Variants in PLA2G6 observed in about 807,000 individuals in gnomAD.
PLA2G6 encodes phospholipase A2 group VI.
A neutral mutation model predicts 83.8 loss-of-function variants in PLA2G6; 62 were observed. That is an observed-to-expected ratio of 0.74 (90% CI 0.60 to 0.91). The LOEUF is 0.91. PLA2G6 is among the 40% of genes least tolerant of loss of function. The pLI is 0.00. For missense variants in PLA2G6, 944 were observed against 1,102.0 expected (o/e 0.86, Z 2.03); for synonymous variants, 417 against 449.8 (o/e 0.93, Z 0.92).
chr22:38,125,263 C>T (rs545772105), intron 10 of PLA2G6, among the ~76,000 whole-genome samples: 29 of 143,808 alleles, frequency 2.0e-4, no homozygotes, highest in Middle Eastern at 3.4e-3. Context: ...TGCATGTGGG[C>T]AACACATGCA....
intron 14 of PLA2G6, among the ~76,000 whole-genome samples, chr22:38,114,870 C>T (rs2087094912): frequency 1.3e-5 from 2 of 152,228 alleles, no homozygotes; most frequent in African/African-American, 2.4e-5. Flanking sequence ...GCAGTGAGTG[C>T]AGGCAGAACG....
intron 3 of PLA2G6, chr22:38,144,848 A>AAAATAAAATT (rs1556030277): frequency 4.8e-6 from 1 of 207,498 alleles, no homozygotes; most frequent in Non-Finnish European, 9.8e-6. Flanking sequence ...AAAATAAAAT[A>AAAATAAAATT]AAATAAAATA....
At chr22:38,148,294 G>C in intron 2 of PLA2G6, 1 of 536,202 alleles carries the variant, frequency 1.9e-6, no homozygotes, top group Non-Finnish European at 3.3e-6. Flanking sequence ...GGAAAGGATA[G>C]CGAATGGGGA....
At chr22:38,125,760 A>T (rs537945589) in intron 10 of PLA2G6, 6 of 467,742 alleles carry the variant, frequency 1.3e-5, no homozygotes, top group Middle Eastern at 3.3e-4. Flanking sequence ...ATAAAGAATA[A>T]ATGAATCAAC....
chr22:38,156,157 G>A (rs893143952), intron 2 of PLA2G6, among the ~76,000 whole-genome samples: 1 of 152,114 alleles, frequency 6.6e-6, no homozygotes, highest in Non-Finnish European at 1.5e-5. Context: ...CTCAACACTG[G>A]AACACCCAGA....
In PLA2G6 at chr22:38,146,782, CT is replaced by C. The variant is rs132937; in HGVS notation, c.210-1130del. 1,030 of 133,102 alleles carry C rather than the reference CT, an allele frequency of 7.7e-3. 9 individuals are homozygous for C. Among genetic ancestry groups the C allele is most frequent in the Non-Finnish European group, 0.012 (759 of 63,624 alleles). 8.2% of individuals were successfully genotyped at this position (133,102 alleles called of 1,614,324 possible). On this transcript the variant is annotated intron_variant, in intron 2 of 16. Transcript: ENST00000332509. Reference sequence around the variant, plus strand: ...GAAACTTTTCTTTTTCTTTTCTTTTCTTTTTTTTTTTTTTGAGATGGAGTTT... The same window carrying C: ...GAAACTTTTCTTTTTCTTTTCTTTTCTTTTTTTTTTTTTGAGATGGAGTTT...
chr22:38,172,535 C>T (rs1055736325), intron 1 of PLA2G6, among the ~76,000 whole-genome samples: 1 of 152,324 alleles, frequency 6.6e-6, no homozygotes, highest in African/African-American at 2.4e-5. Flanking sequence ...TTCCTTTTCC[C>T]TATTTTCCAG....
At chr22:38,127,163 T>C (rs1182982958) in intron 9 of PLA2G6, 25 of 1,162,318 alleles carry the variant, frequency 2.2e-5, no homozygotes, top group Non-Finnish European at 2.5e-5. Context: ...CCCCCACCAC[T>C]GTGCAGAGTC....
rs778963560 is a variant in PLA2G6 at position 38,143,274 on chromosome 22, G to A, written c.440C>T (p.Ala147Val). The change falls in exon 4 of 17, where the codon GCG becomes GTG. Residue 147 changes from alanine to valine, a missense_variant. By Grantham distance (64) the Ala-to-Val change is moderately conservative. Coordinates refer to ENST00000332509, the MANE Select transcript of PLA2G6 (RefSeq NM_003560.4). ...HSRIISCANC[A>V]ENEEGCTPLH... ...GGGTGTGCAGCCCTCCTCGTTCTCC[G>A]CGCAATTGGCACAGCTGCAGGAGAG... The A allele has an allele frequency of 1.7e-5, 28 of 1,612,406 alleles. No individual in the cohort carries two copies. Among genetic ancestry groups the A allele is most frequent in the South Asian group, 2.2e-5 (2 of 91,082 alleles).
At position 38,127,604 on chromosome 22, in the gene PLA2G6, G is replaced by A. The variant is rs933954632; in HGVS notation, c.1348+665C>T. ...GGCTACCCTGGCTGAAGGTGCTGCCGCCTCCACAGTGAAGTCTGGCTCACC... is the reference window on the plus strand; with the variant it reads ...GGCTACCCTGGCTGAAGGTGCTGCCACCTCCACAGTGAAGTCTGGCTCACC... On this transcript the variant is annotated intron_variant, in intron 9 of 16. Coordinates refer to ENST00000332509, the MANE Select transcript of PLA2G6 (RefSeq NM_003560.4). 49 of 482,280 alleles carry A rather than the reference G, an allele frequency of 1.0e-4. 2 individuals carry two copies. In the Admixed American group the frequency reaches 1.0e-3, roughly 10 times the overall value. The allele number at this position is 482,280 out of a possible 1,614,324, so 29.9% of individuals were successfully genotyped here.
chr22:38,175,201 G>A lies in PLA2G6; in HGVS notation c.-45-5730C>T, dbSNP rs550754667. 2.0e-5 allele frequency among the ~76,000 whole-genome samples: 3 copies of A among 152,266 alleles called. No individual in the cohort carries two copies. The South Asian group carries it at 6.2e-4, about 32-fold the overall frequency. On this transcript the variant is annotated intron_variant, in intron 1 of 16. Coordinates refer to ENST00000332509, the MANE Select transcript of PLA2G6 (RefSeq NM_003560.4). ...TGCACTTGCGTCCTCCCTGGAATGCGCTCTCCAGTTCCTGCTGGAGCCCCT... is the reference window on the plus strand; with the variant it reads ...TGCACTTGCGTCCTCCCTGGAATGCACTCTCCAGTTCCTGCTGGAGCCCCT...
intron 2 of PLA2G6, among the ~76,000 whole-genome samples, chr22:38,167,249 CA>C (rs1430824295): frequency 2.1e-5 from 3 of 140,594 alleles, no homozygotes; most frequent in African/African-American, 8.0e-5. Flanking sequence ...AAAAAGAAAA[CA>C]AAAAATCCTG....
chr22:38,143,486 G>GTTCAGTT (rs2145820518), intron 3 of PLA2G6, 198 bp from the exon 4 acceptor site: 1 of 664,840 alleles, frequency 1.5e-6, no homozygotes, highest in East Asian at 2.8e-5. Context: ...TCAGGTTTCT[G>GTTCAGTT]TTCAGTTTGC....
intron 7 of PLA2G6, chr22:38,131,625 T>C (rs989240663): frequency 6.5e-6 from 1 of 153,568 alleles, no homozygotes; most frequent in African/African-American, 2.4e-5. Flanking sequence ...TGAAACTATT[T>C]ATAGTTTCAG....
At chr22:38,171,226 T>C (rs1000853656) in intron 1 of PLA2G6, among the ~76,000 whole-genome samples, 4 of 151,904 alleles carry the variant, frequency 2.6e-5, no homozygotes, top group Non-Finnish European at 4.4e-5. Flanking sequence ...CAGTGTCCCA[T>C]TACAAGGCTC....
At chr22:38,126,941 C>T in intron 9 of PLA2G6, 7 of 983,382 alleles carry the variant, frequency 7.1e-6, no homozygotes, top group Non-Finnish European at 8.8e-6. Flanking sequence ...GGGTTTAAGT[C>T]CATGGATGAA....
intron 6 of PLA2G6, 46 bp from the exon 7 acceptor site, chr22:38,133,059 T>G: frequency 1.3e-6 from 2 of 1,520,372 alleles, no homozygotes; most frequent in Non-Finnish European, 1.8e-6. Flanking sequence ...CTCGGGGAGC[T>G]GCCGCACCCC....
At chr22:38,146,339 G>A (rs9622738) in intron 2 of PLA2G6, 48,175 of 152,340 alleles carry the variant, frequency 0.32, 7,927 homozygotes, top group South Asian at 0.42. Flanking sequence ...GAGCCACTGT[G>A]CCTGGCCTAA....
chr22:38,120,802 C>T lies in PLA2G6; in HGVS notation c.1699G>A (p.Glu567Lys), dbSNP rs587784337. The T allele has an allele frequency of 1.9e-6, 3 of 1,613,894 alleles. No homozygotes were observed. The Admixed American group carries it at 5.0e-5, about 27-fold the overall frequency. Residue 567 changes from glutamate (E) to lysine (K), a missense_variant, in exon 12 of 17, where the codon GAG becomes AAG. Coordinates refer to ENST00000332509, the MANE Select transcript of PLA2G6 (RefSeq NM_003560.4). ...GTCATCTTGGTGTGCTCCCCAAACT[C>T]CCGCTTCAGGAACTCCTCCAGGGGC... ...SGPLEEFLKR[E>K]FGEHTKMTDV...
Sources: gnomAD v4.1 joint callset for allele counts (sites outside exome capture counted in the v4.1 genomes callset) on GRCh38, gnomAD v4.1.1 for gene constraint, MANE v1.5 for transcripts, NCBI Gene and HGNC (gene_info 2026-07-23, HGNC 2026-07-21) for gene names.